PITPNA: variants seen among roughly 807,000 people sequenced by gnomAD.
The protein encoded by PITPNA is phosphatidylinositol transfer protein alpha, also known as phosphatidylinositol transfer protein alpha isoform.
In PITPNA, 13 loss-of-function variants were observed where a neutral mutation model predicts 50.3. The observed-to-expected ratio is 0.26, with a 90% CI of 0.17 to 0.41. The LOEUF (loss-of-function observed/expected upper bound fraction) is 0.41. Ranked by LOEUF, PITPNA falls within the 10% of genes least tolerant of loss-of-function variation. PITPNA has a pLI of 1.00. For synonymous variants in PITPNA, 120 were observed against 119.6 expected (o/e 1.00, Z -0.02); for missense variants, 207 against 333.4 (o/e 0.62, Z 2.95).
At position 1,538,849 on chromosome 17, in the gene PITPNA, C is replaced by T. The variant is rs143462960; in HGVS notation, c.456+20G>A. 142 of 1,545,908 alleles carry T rather than the reference C, an allele frequency of 9.2e-5. No homozygotes were observed. The highest frequency in any genetic ancestry group is 1.5e-4 in the Admixed American group (9 of 59,316). On this transcript the variant is annotated intron_variant, in intron 7 of 11. Coordinates refer to ENST00000313486, the MANE Select transcript of PITPNA (RefSeq NM_006224.4). ...ATTTCTGCGTCTCGAAGGCCACCCACGTCTTTAAACGGATCCTACCTTGCT... is the reference window on the plus strand; with the variant it reads ...ATTTCTGCGTCTCGAAGGCCACCCATGTCTTTAAACGGATCCTACCTTGCT...
intron 3 of PITPNA, among the ~76,000 whole-genome samples, chr17:1,550,598 G>A (rs1008116195): frequency 1.4e-4 from 22 of 152,160 alleles, no homozygotes; most frequent in Admixed American, 1.2e-3. Flanking sequence ...TGTGATCATG[G>A]CTCACTGGCA....
At position 1,548,338 on chromosome 17, in the gene PITPNA, T is replaced by C; in HGVS notation, c.247A>G (p.Ile83Val). ...TAAGCATTCCAGGCTTTCTCGTGTA[T>C]ATTCAGGGCTCCCTCTGGGGCCAGC... ...RMLAPEGALN[I>V]HEKAWNAYPY... The change falls in exon 4 of 12, where the codon ATA (isoleucine) becomes GTA (valine). Residue 83 changes from isoleucine to valine, a missense_variant. Ile to Val is a conservative substitution (Grantham distance 29). Coordinates refer to ENST00000313486, the MANE Select transcript of PITPNA (RefSeq NM_006224.4). 6.2e-7 allele frequency: 1 copy of C among 1,608,944 alleles called. No individual in the cohort carries two copies. The highest frequency in any genetic ancestry group is 1.1e-5 in the South Asian group (1 of 90,112).
In PITPNA at chr17:1,535,931, G is replaced by GT. The variant is rs527905212; in HGVS notation, c.457-414dup. 100 of 194,332 alleles carry GT rather than the reference G, an allele frequency of 5.1e-4. No homozygotes were observed. The South Asian group carries it at 9.1e-3, about 18-fold the overall frequency. The allele number at this position is 194,332 out of a possible 1,614,324, so 12.0% of individuals were successfully genotyped here. ...TGACGGCAGCACAGATTTGTTTTTT[G>GT]TTTTTTTAAATCTCTGCAAGTGACT... On this transcript the variant is annotated intron_variant, in intron 7 of 11. Coordinates refer to ENST00000313486, the MANE Select transcript of PITPNA (RefSeq NM_006224.4).
intron 10 of PITPNA, among the ~76,000 whole-genome samples, chr17:1,527,597 G>A (rs2075555420): frequency 6.6e-6 from 1 of 152,172 alleles, no homozygotes; most frequent in African/African-American, 2.4e-5. Context: ...GCCAGGGGCT[G>A]AAACAAGAAG....
chr17:1,538,761 A>G, intron 7 of PITPNA, 108 bp downstream of exon 7: 1 of 665,798 alleles, frequency 1.5e-6, no homozygotes, highest in East Asian at 2.6e-5. Flanking sequence ...AGCAAGACAC[A>G]TCAGAATTTC....
rs183150562 is a variant in PITPNA, at chr17:1,562,751, G to A, written c.-191C>T. 812 of 179,506 alleles carry A rather than the reference G, an allele frequency of 4.5e-3. 5 individuals are homozygous for A. The highest frequency in any genetic ancestry group is 0.011 in the Middle Eastern group (4 of 370). The allele number at this position is 179,506 out of a possible 1,614,324, so 11.1% of individuals were successfully genotyped here. ...CCCGGGCCTCGTCGCCTCTCGCGCC[G>A]CTGCCGACGCCGCCCGGAGCTCCGG... On this transcript the variant is annotated 5_prime_UTR_variant, in exon 1 of 12. Transcript: ENST00000313486. The surrounding 1 kb of genome is among the most constrained non-coding windows in gnomAD (Gnocchi z 6.4).
intron 7 of PITPNA, 98 bp from the exon 8 acceptor site, chr17:1,535,616 C>A: frequency 2.6e-6 from 2 of 777,246 alleles, no homozygotes; most frequent in Non-Finnish European, 2.3e-6. Flanking sequence ...CATACCAGAT[C>A]TTGATGCTGA....
At chr17:1,551,440 C>A (rs1179414605) in intron 3 of PITPNA, among the ~76,000 whole-genome samples, 1 of 151,936 alleles carries the variant, frequency 6.6e-6, no homozygotes, top group East Asian at 1.9e-4. Flanking sequence ...TACAGACACT[C>A]GCCACCACAC....
intron 11 of PITPNA, 139 bp downstream of exon 11, chr17:1,521,440 G>T: frequency 1.5e-6 from 1 of 664,550 alleles, no homozygotes; most frequent in South Asian, 1.7e-5. Flanking sequence ...TGGAAGTGGA[G>T]AGCTATCGAG....
intron 3 of PITPNA, among the ~76,000 whole-genome samples, chr17:1,549,082 A>G (rs185372727): frequency 1.6e-4 from 24 of 150,768 alleles, no homozygotes; most frequent in African/African-American, 5.4e-4. Context: ...TAATTTTTGT[A>G]TTTTTAGTAG....
chr17:1,542,874 T>C (rs2151009297), intron 5 of PITPNA, 146 bp downstream of exon 5: 1 of 615,966 alleles, frequency 1.6e-6, no homozygotes, highest in Admixed American at 2.9e-5. Context: ...AACAGGTTCC[T>C]TGTTAGTCCA....
chr17:1,560,509 T>C (rs2075762959), intron 1 of PITPNA, among the ~76,000 whole-genome samples: 1 of 152,178 alleles, frequency 6.6e-6, no homozygotes, highest in Non-Finnish European at 1.5e-5. Context: ...CTTGGACTTT[T>C]CCCTTGCAGG....
intron 10 of PITPNA, among the ~76,000 whole-genome samples, chr17:1,530,861 G>A (rs1325388438): frequency 6.6e-6 from 1 of 152,204 alleles, no homozygotes; most frequent in Non-Finnish European, 1.5e-5. Flanking sequence ...CCTGGAGGAT[G>A]GAGAGCGGAG....
intron 2 of PITPNA, among the ~76,000 whole-genome samples, chr17:1,557,524 G>A (rs143873711): frequency 1.3e-5 from 2 of 152,332 alleles, no homozygotes; most frequent in Non-Finnish European, 2.9e-5. Flanking sequence ...TGTGATTTCA[G>A]AAGGAAGCAA....
intron 11 of PITPNA, among the ~76,000 whole-genome samples, chr17:1,521,125 A>G (rs1035898782): frequency 2.0e-5 from 3 of 152,330 alleles, no homozygotes; most frequent in Admixed American, 2.0e-4. Context: ...GATCGGGGGT[A>G]TAAAGAAGGA....
At chr17:1,525,102 G>A (rs1215245888) in intron 10 of PITPNA, among the ~76,000 whole-genome samples, 1 of 151,888 alleles carries the variant, frequency 6.6e-6, no homozygotes, top group Non-Finnish European at 1.5e-5. Flanking sequence ...CGATTCTTCT[G>A]CCTCAGCCTC....
intron 10 of PITPNA, among the ~76,000 whole-genome samples, chr17:1,528,209 C>T (rs1050530901): frequency 5.3e-5 from 8 of 152,116 alleles, no homozygotes; most frequent in South Asian, 2.1e-4. Context: ...AGCATGATCT[C>T]GGCTCACTAC....
intron 10 of PITPNA, among the ~76,000 whole-genome samples, chr17:1,523,445 G>A (rs2075526884): frequency 6.6e-6 from 1 of 151,322 alleles, no homozygotes; most frequent in Admixed American, 6.6e-5. Context: ...TGGCTCAAGT[G>A]ATCCTCCTGC....
In PITPNA at chr17:1,562,757, G is replaced by T. The variant is rs1598417055; in HGVS notation, c.-197C>A. 5.8e-6 allele frequency: 1 copy of T among 172,678 alleles called. No individual in the cohort carries two copies. The highest frequency in any genetic ancestry group is 1.7e-4 in the South Asian group (1 of 5,816). The allele number at this position is 172,678 out of a possible 1,614,324, so 10.7% of individuals were successfully genotyped here. ...CCTCGTCGCCTCTCGCGCCGCTGCC[G>T]ACGCCGCCCGGAGCTCCGGTTCCGC... On this transcript the variant is annotated 5_prime_UTR_variant, in exon 1 of 12. Transcript: ENST00000313486. The surrounding 1 kb of genome is among the most constrained non-coding windows in gnomAD (Gnocchi z 6.4).
Sources: gnomAD v4.1 joint callset for allele counts (sites outside exome capture counted in the v4.1 genomes callset) on GRCh38, gnomAD v4.1.1 for gene constraint, Gnocchi (gnomAD v3.1) non-coding constraint, MANE v1.5 for transcripts, NCBI Gene and HGNC (gene_info 2026-07-23, HGNC 2026-07-21) for gene names.